Variants in TRIM23 observed in about 807,000 individuals in gnomAD.
TRIM23 encodes E3 ubiquitin-protein ligase TRIM23.
Under a neutral mutation model 71.0 loss-of-function variants are expected in TRIM23, and 27 were observed. The observed-to-expected ratio is 0.38, with a 90% CI of 0.28 to 0.52. TRIM23 has a LOEUF of 0.52. Among genes scored for constraint, TRIM23 ranks in the 20% least tolerant of loss-of-function variants. The pLI is 0.84. For missense variants in TRIM23, 482 were observed against 692.3 expected, an observed-to-expected ratio of 0.70 and a Z score of 3.41; for synonymous variants, 234 against 238.0, an observed-to-expected ratio of 0.98 and a Z score of 0.16.
chr5:65,606,090 A>G (rs1754490558), intron 6 of TRIM23, among the ~76,000 whole-genome samples: 1 of 152,122 alleles, frequency 6.6e-6, no homozygotes, highest in Non-Finnish European at 1.5e-5. Flanking sequence ...TCCTTTTAAC[A>G]TATAAGATTA....
Position 65,590,283 on chromosome 5 carries a change from G to T in TRIM23, c.*1486C>A, listed in dbSNP as rs1162624755. ...TTATTTATGCACACAAACTACACCT[G>T]TAACAGCATGACCTTTTACCTGAAA... is the stretch of plus-strand genomic sequence containing the variant. On this transcript the variant is annotated 3_prime_UTR_variant, in exon 11 of 11. Transcript: ENST00000231524. 42 of 1,329,744 alleles carry T rather than the reference G, an allele frequency of 3.2e-5. 1 individual carries two copies. The East Asian group carries it at 9.9e-4, about 31-fold the overall frequency. The allele number at this position is 1,329,744 out of a possible 1,614,324, so 82.4% of individuals were successfully genotyped here.
intron 8 of TRIM23, among the ~76,000 whole-genome samples, chr5:65,596,848 C>T (rs1028294884): frequency 2.6e-5 from 4 of 152,136 alleles, no homozygotes; most frequent in South Asian, 2.1e-4. Flanking sequence ...AACTGTCCCA[C>T]CAATACTCTG....
At chr5:65,612,637 G>A (rs1394079515) in intron 3 of TRIM23, among the ~76,000 whole-genome samples, 1 of 152,072 alleles carries the variant, frequency 6.6e-6, no homozygotes, top group African/African-American at 2.4e-5. Context: ...TGGCCAACAT[G>A]GGGAAAGTCC....
intron 6 of TRIM23, 111 bp downstream of exon 6, chr5:65,609,132 G>C (rs1754582910): frequency 9.4e-7 from 1 of 1,067,334 alleles, no homozygotes; most frequent in Admixed American, 2.3e-5. Flanking sequence ...TAAGCACAAA[G>C]TTACTGCATA....
Position 65,593,446 on chromosome 5 carries a change from G to A in TRIM23, c.1545+1075C>T, listed in dbSNP as rs73762035. 6.0e-3 allele frequency among the ~76,000 whole-genome samples: 917 copies of A among 152,068 alleles called. 9 individuals carry two copies. The highest frequency in any genetic ancestry group is 0.02 in the African/African-American group (835 of 41,464). ...AAGACTCAGTCTCAAAATAATAATAGTAACAGTTGTATATAAGTCTGAGGA... is the reference window on the plus strand; with the variant it reads ...AAGACTCAGTCTCAAAATAATAATAATAACAGTTGTATATAAGTCTGAGGA... On this transcript the variant is annotated intron_variant, in intron 10 of 10. Coordinates refer to ENST00000231524, the MANE Select transcript of TRIM23 (RefSeq NM_001656.4).
At position 65,609,350 on chromosome 5, in the gene TRIM23, G is replaced by A. The variant is rs1369072799; in HGVS notation, c.937C>T (p.His313Tyr). The change falls in exon 6 of 11, where the codon CAT (histidine) becomes TAT (tyrosine). Residue 313 changes from histidine to tyrosine, a missense_variant. By Grantham distance (83) the His-to-Tyr change is moderately conservative (BLOSUM62 2). Coordinates refer to ENST00000231524, the MANE Select transcript of TRIM23 (RefSeq NM_001656.4). ...EEMALSVVDA[H>Y]VREKLIWLRQ... is the part of the protein sequence containing the mutation. ...AGCCAAATCAATTTTTCACGAACATGAGCATCAACAACACTTAGAGCCATT... is the reference window on the plus strand; with the variant it reads ...AGCCAAATCAATTTTTCACGAACATAAGCATCAACAACACTTAGAGCCATT... 2.5e-6 allele frequency: 4 copies of A among 1,613,980 alleles called. No homozygotes were observed. The highest frequency in any genetic ancestry group is 2.7e-5 in the African/African-American group (2 of 74,912).
At chr5:65,610,044 C>T (rs1048117129) in intron 5 of TRIM23, among the ~76,000 whole-genome samples, 2 of 152,178 alleles carry the variant, frequency 1.3e-5, no homozygotes. Flanking sequence ...CTCTAAGTTA[C>T]CTATCCAATC....
At chr5:65,615,751 T>A (rs1336073605) in intron 2 of TRIM23, among the ~76,000 whole-genome samples, 2 of 152,268 alleles carry the variant, frequency 1.3e-5, no homozygotes, top group African/African-American at 4.8e-5. Flanking sequence ...ATATAATGAA[T>A]ATATACAAAT....
chr5:65,613,565 T>C (rs567844034), intron 3 of TRIM23, among the ~76,000 whole-genome samples: 31 of 152,318 alleles, frequency 2.0e-4, no homozygotes, highest in Middle Eastern at 3.4e-3. Context: ...TAAAATCCAG[T>C]GTTCATGGAT....
At chr5:65,605,104 CT>C in intron 6 of TRIM23, 59 bp from the exon 7 acceptor site, 1 of 1,443,232 alleles carries the variant, frequency 6.9e-7, no homozygotes, top group Non-Finnish European at 9.2e-7. Flanking sequence ...GGAAAAGAGA[CT>C]TATATTACCA....
rs765370564 is a variant in TRIM23, at chr5:65,591,958, A to T, written c.1546-10T>A. ...GTGCTCCAGCAACATCCTGAAAGAT[A>T]TATACACATATTTTTTATCAGTCCA... On this transcript the variant is annotated splice_polypyrimidine_tract_variant and intron_variant, in intron 10 of 10. Coordinates refer to ENST00000231524, the MANE Select transcript of TRIM23 (RefSeq NM_001656.4). The T allele has an allele frequency of 6.2e-7, 1 of 1,609,060 alleles. No individual in the cohort carries two copies. Among genetic ancestry groups the T allele is most frequent in the Non-Finnish European group, 8.5e-7 (1 of 1,176,828 alleles).
At position 65,594,618 on chromosome 5, in the gene TRIM23, T is replaced by C; in HGVS notation, c.1448A>G (p.His483Arg). The change falls in exon 10 of 11, where the codon CAT (histidine) becomes CGT (arginine). Residue 483 changes from histidine (H) to arginine (R), a missense_variant. Physicochemically the swap from His to Arg is conservative, Grantham distance 29. This residue lies in a region of TRIM23 where 307 missense variants were observed against 495.8 expected (regional missense o/e 0.62). Transcript: ENST00000231524. ...QAVVFVVDSS[H>R]RDRISEAHSE... Reference sequence around the variant, plus strand: ...GTGTGCTTCACTAATTCTGTCTCTATGACTGCTATCTACAACAAACACAAC... The same window carrying C: ...GTGTGCTTCACTAATTCTGTCTCTACGACTGCTATCTACAACAAACACAAC... The C allele has an allele frequency of 6.2e-7, 1 of 1,606,138 alleles. No individual in the cohort carries two copies. Among genetic ancestry groups the C allele is most frequent in the East Asian group, 2.2e-5 (1 of 44,604 alleles).
rs993506078 is a variant in TRIM23 at position 65,590,367 on chromosome 5, T to C, written c.*1402A>G. 9.4e-5 allele frequency: 125 copies of C among 1,324,892 alleles called. No homozygotes were observed. The highest frequency in any genetic ancestry group is 1.2e-4 in the Non-Finnish European group (122 of 996,704). 82.1% of individuals were successfully genotyped at this position (1,324,892 alleles called of 1,614,324 possible). On this transcript the variant is annotated 3_prime_UTR_variant, in exon 11 of 11. Coordinates refer to ENST00000231524, the MANE Select transcript of TRIM23 (RefSeq NM_001656.4). ...CATATTGCCCATAATACTGATAGGC[T>C]TTTTTTTTAATGCTTTGTTTTCTAA...
chr5:65,591,109 G>A lies in TRIM23; in HGVS notation c.*660C>T. The A allele has an allele frequency of 1.9e-6, 2 of 1,028,866 alleles. No individual in the cohort carries two copies. The highest frequency in any genetic ancestry group is 2.3e-6 in the Non-Finnish European group (2 of 858,422). 63.7% of individuals were successfully genotyped at this position (1,028,866 alleles called of 1,614,324 possible). On this transcript the variant is annotated 3_prime_UTR_variant, in exon 11 of 11. Transcript: ENST00000231524. ...TATTACTAACCTGACAAGCCTAATTGGGTAACATTTCACTCCCTCATTGTG... is the reference window on the plus strand; with the variant it reads ...TATTACTAACCTGACAAGCCTAATTAGGTAACATTTCACTCCCTCATTGTG...
intron 7 of TRIM23, among the ~76,000 whole-genome samples, chr5:65,599,536 A>G (rs1263969892): frequency 6.6e-6 from 1 of 152,222 alleles, no homozygotes; most frequent in Non-Finnish European, 1.5e-5. Flanking sequence ...GTAGGCGTAC[A>G]CCTAACCAAG....
intron 7 of TRIM23, among the ~76,000 whole-genome samples, chr5:65,603,792 C>T (rs1162974337): frequency 1.3e-5 from 2 of 152,048 alleles, no homozygotes; most frequent in Non-Finnish European, 2.9e-5. Context: ...AATATATCAA[C>T]CAAATCCCAA....
chr5:65,611,194 A>G lies in TRIM23; in HGVS notation c.646-151T>C, dbSNP rs1754639801. 4 of 731,568 alleles carry G rather than the reference A, an allele frequency of 5.5e-6. No individual in the cohort carries two copies. The East Asian group carries it at 1.2e-4, about 22-fold the overall frequency. The allele number at this position is 731,568 out of a possible 1,614,324, so 45.3% of individuals were successfully genotyped here. On this transcript the variant is annotated intron_variant, in intron 4 of 10. Transcript: ENST00000231524. ...ACTAATTTACTTTCACTCCTTTATA[A>G]GAAAACTGTACTGCAAAGAAGTAAT...
chr5:65,603,165 G>A (rs948529163), intron 7 of TRIM23, among the ~76,000 whole-genome samples: 6 of 152,042 alleles, frequency 3.9e-5, no homozygotes, highest in Admixed American at 1.3e-4. Flanking sequence ...GGGGCAGAGG[G>A]GAACTGTTTA....
chr5:65,621,500 C>T (rs1754945609), intron 1 of TRIM23, among the ~76,000 whole-genome samples: 1 of 152,084 alleles, frequency 6.6e-6, no homozygotes, highest in Admixed American at 6.6e-5. Context: ...ATCTCTGATC[C>T]CATCACTATA....
Sources: allele counts gnomAD v4.1 joint callset (sites outside exome capture counted in the v4.1 genomes callset), GRCh38; gene constraint gnomAD v4.1.1; regional missense constraint gnomAD v4.1.1; transcripts MANE v1.5; gene names NCBI Gene and HGNC (gene_info 2026-07-23, HGNC 2026-07-21).